DAAM2: variants seen among roughly 807,000 people sequenced by gnomAD.
DAAM2 encodes dishevelled associated activator of morphogenesis 2, also known as disheveled-associated activator of morphogenesis 2.
Under a neutral mutation model 120.7 loss-of-function variants are expected in DAAM2, and 39 were observed. The observed-to-expected ratio is 0.32, with a 90% CI of 0.25 to 0.42. The LOEUF (loss-of-function observed/expected upper bound fraction) is 0.42, where lower values mean the gene tolerates loss of function less well. Ranked by LOEUF, DAAM2 falls within the 10% of genes least tolerant of loss-of-function variation. DAAM2 has a pLI of 1.00. For missense variants in DAAM2, 1,283 were observed against 1,401.7 expected, an observed-to-expected ratio of 0.92 and a Z score of 1.35; for synonymous variants, 488 against 524.9, an observed-to-expected ratio of 0.93 and a Z score of 0.96.
At position 39,856,337 on chromosome 6, in the gene DAAM2, G is replaced by A; in HGVS notation, c.35G>A (p.Gly12Asp). ...CGCAAGAGGAGCCACCATGGCCTGGGCTTCCTGTGCTGCTTCGGGGGCAGT... is the reference window on the plus strand; with the variant it reads ...CGCAAGAGGAGCCACCATGGCCTGGACTTCCTGTGCTGCTTCGGGGGCAGT... ...APRKRSHHGL[G>D]FLCCFGGSDI... is the part of the protein sequence containing the mutation. Residue 12 changes from glycine (G) to aspartate (D), a missense_variant, in exon 2 of 25, where the codon GGC (glycine) becomes GAC (aspartate). Gly to Asp is a moderately conservative substitution (Grantham distance 94). Around this residue, in one of 3 missense-constraint regions of DAAM2, gnomAD observed 197 missense variants for 189.3 expected, o/e 1.04. Transcript: ENST00000274867. 1 of 1,550,826 alleles carries A rather than the reference G, an allele frequency of 6.4e-7. No individual in the cohort carries two copies. Among genetic ancestry groups the A allele is most frequent in the Non-Finnish European group, 8.7e-7 (1 of 1,148,534 alleles).
At chr6:39,865,504 G>T (rs1398457514) in intron 5 of DAAM2, among the ~76,000 whole-genome samples, 2 of 152,164 alleles carry the variant, frequency 1.3e-5, no homozygotes, top group African/African-American at 4.8e-5. Flanking sequence ...GGGCGGTGTG[G>T]TGTCTCTGGA....
chr6:39,884,300 G>A (rs1765271813), intron 15 of DAAM2: 1 of 487,662 alleles, frequency 2.1e-6, no homozygotes, highest in Non-Finnish European at 3.7e-6. Context: ...TGAAGTAGAG[G>A]TGCACAGACC....
Position 39,856,320 on chromosome 6 carries a change from G to T in DAAM2, c.18G>T (p.Arg6Ser). 1 of 1,542,420 alleles carries T rather than the reference G, an allele frequency of 6.5e-7. No homozygotes were observed. The highest frequency in any genetic ancestry group is 8.7e-7 in the Non-Finnish European group (1 of 1,144,638). The change falls in exon 2 of 25, where the codon AGG becomes AGT. Residue 6 changes from arginine to serine, a missense_variant. Physicochemically the swap from Arg to Ser is moderately radical, Grantham distance 110. This residue lies in a region of DAAM2 where 197 missense variants were observed against 189.3 expected (regional missense o/e 1.04). Transcript: ENST00000274867. MAPRK[R>S]SHHGLGFLCC... ...CAGTGACCATGGCCCCCCGCAAGAG[G>T]AGCCACCATGGCCTGGGCTTCCTGT...
intron 19 of DAAM2, among the ~76,000 whole-genome samples, chr6:39,892,804 A>G (rs546216565): frequency 2.6e-5 from 4 of 152,256 alleles, no homozygotes; most frequent in African/African-American, 9.6e-5. Context: ...GGGATAGTCT[A>G]TGGATAGGGT....
At chr6:39,845,020 A>C (rs964808909) in intron 1 of DAAM2, among the ~76,000 whole-genome samples, 9 of 145,896 alleles carry the variant, frequency 6.2e-5, no homozygotes, top group African/African-American at 1.8e-4. Flanking sequence ...ACACCCCCCC[A>C]CACATATACA....
rs3008815 is a variant in DAAM2 at position 39,896,954 on chromosome 6, C to G, written c.2484C>G (p.Ile828Met). 2 of 1,611,168 alleles carry G rather than the reference C, an allele frequency of 1.2e-6. No homozygotes were observed. The highest frequency in any genetic ancestry group is 8.5e-7 in the Non-Finnish European group (1 of 1,178,692). ...YGFRVASLNK[I>M]ADTKSSIDRN... ...TCCGGGTGGCCAGCCTCAACAAGAT[C>G]GCTGACACCAAGTCCAGCATCGACA... Residue 828 changes from isoleucine to methionine, a missense_variant, in exon 20 of 25, where the codon ATC (isoleucine) becomes ATG (methionine). Ile to Met is a conservative substitution (Grantham distance 10). Transcript: ENST00000274867.
chr6:39,807,425 G>GA (rs1172153314), intron 1 of DAAM2, among the ~76,000 whole-genome samples: 3 of 152,202 alleles, frequency 2.0e-5, no homozygotes, highest in Admixed American at 1.3e-4. Flanking sequence ...CTCCTTCTAG[G>GA]AAAGGCAGTA....
Position 39,873,153 on chromosome 6 carries a change from A to G in DAAM2, c.1045-85A>G, listed in dbSNP as rs1400289668. ...GAAAACCTTTCCTATGAGACAGGGC[A>G]TAGTGGATGGAAGCAGGGTCTTCTC... On this transcript the variant is annotated intron_variant, in intron 9 of 24. Coordinates refer to ENST00000274867, the MANE Select transcript of DAAM2 (RefSeq NM_001201427.2). 6 of 843,788 alleles carry G rather than the reference A, an allele frequency of 7.1e-6. No individual in the cohort carries two copies. In the East Asian group the frequency reaches 1.3e-4, roughly 19 times the overall value. The allele number at this position is 843,788 out of a possible 1,614,324, so 52.3% of individuals were successfully genotyped here.
At chr6:39,884,158 T>C (rs1765266002) in intron 15 of DAAM2, 89 bp downstream of exon 15, 6 of 691,488 alleles carry the variant, frequency 8.7e-6, no homozygotes, top group Non-Finnish European at 1.5e-5. Context: ...CTGCCTTCCT[T>C]TCCTTTCCTT....
At chr6:39,805,085 A>C (rs1223102717) in intron 1 of DAAM2, among the ~76,000 whole-genome samples, 3 of 152,214 alleles carry the variant, frequency 2.0e-5, no homozygotes, top group Non-Finnish European at 2.9e-5. Context: ...TTTCCAAGAT[A>C]AGGATGCAAA....
chr6:39,891,876 A>C (rs896236176), intron 19 of DAAM2, 154 bp downstream of exon 19: 7 of 640,666 alleles, frequency 1.1e-5, no homozygotes, highest in Admixed American at 3.0e-5. Flanking sequence ...TAAAATGATG[A>C]TTATTATAAA....
At position 39,869,074 on chromosome 6, in the gene DAAM2, T is replaced by A. The variant is rs1764546277; in HGVS notation, c.873+141T>A. 4.5e-6 allele frequency: 3 copies of A among 665,184 alleles called. No homozygotes were observed. In the South Asian group the frequency reaches 5.4e-5, roughly 12 times the overall value. 41.2% of individuals were successfully genotyped at this position (665,184 alleles called of 1,614,324 possible). A position where few individuals can be genotyped will look rare whatever the true frequency, so the allele number is the denominator to read the frequency against. ...TGGGGAGTTGCCTACATAGGTAGCATCATGCACGGTGGACAGACCCAGAGC... is the reference window on the plus strand; with the variant it reads ...TGGGGAGTTGCCTACATAGGTAGCAACATGCACGGTGGACAGACCCAGAGC... On this transcript the variant is annotated intron_variant, in intron 7 of 24. Transcript: ENST00000274867.
In DAAM2 at chr6:39,871,514, A is replaced by T; in HGVS notation, c.986A>T (p.Asp329Val). Residue 329 changes from aspartate to valine, a missense_variant, in exon 9 of 25, where the codon GAC becomes GTC. Asp to Val is a radical substitution (Grantham distance 152). This residue lies in a region of DAAM2 where 338 missense variants were observed against 443.9 expected (regional missense o/e 0.76). Transcript: ENST00000274867. ...CTCCCCATTCTGTCTAGACATTTAG[A>T]CTTCTTCGAGATGGTGCGGAATGAG... ...HENAILDKHL[D>V]FFEMVRNEDD... 6.4e-7 allele frequency: 1 copy of T among 1,551,488 alleles called. No homozygotes were observed. Among genetic ancestry groups the T allele is most frequent in the East Asian group, 2.4e-5 (1 of 40,920 alleles).
intron 8 of DAAM2, among the ~76,000 whole-genome samples, 159 bp downstream of exon 8, chr6:39,870,602 G>T (rs1446517912): frequency 1.3e-5 from 2 of 152,196 alleles, no homozygotes; most frequent in Non-Finnish European, 2.9e-5. Context: ...GGGTGCCCTT[G>T]CCTGTCCTCT....
At chr6:39,804,563 T>C (rs1390350791) in intron 1 of DAAM2, among the ~76,000 whole-genome samples, 2 of 149,236 alleles carry the variant, frequency 1.3e-5, no homozygotes, top group Non-Finnish European at 3.0e-5. Flanking sequence ...TATGCATGCA[T>C]GCGCACATAC....
chr6:39,830,505 G>A (rs531644638), intron 1 of DAAM2, among the ~76,000 whole-genome samples: 3 of 152,122 alleles, frequency 2.0e-5, no homozygotes, highest in Non-Finnish European at 4.4e-5. Context: ...TCGTGAGTGG[G>A]GACAAGTGAT....
chr6:39,891,455 C>T lies in DAAM2; in HGVS notation c.2252+8C>T, dbSNP rs1463188358. ...CCTCTATGAAATGAGCAGGTTGGGCCATGGGCATGGTGGGGATTCAAGCAG... is the reference window on the plus strand; with the variant it reads ...CCTCTATGAAATGAGCAGGTTGGGCTATGGGCATGGTGGGGATTCAAGCAG... On this transcript the variant is annotated splice_region_variant and intron_variant, in intron 18 of 24. Transcript: ENST00000274867. The T allele has an allele frequency of 6.3e-7, 1 of 1,598,460 alleles. No homozygotes were observed.
At chr6:39,815,216 C>T (rs1762272997) in intron 1 of DAAM2, among the ~76,000 whole-genome samples, 1 of 152,190 alleles carries the variant, frequency 6.6e-6, no homozygotes, top group Non-Finnish European at 1.5e-5. Context: ...TCTGGAGATT[C>T]CAAAATAAGT....
intron 1 of DAAM2, chr6:39,821,392 CT>C: frequency 6.6e-6 from 1 of 152,432 alleles, no homozygotes; most frequent in East Asian, 1.9e-4. Context: ...CAGCACCCAG[CT>C]CTGGGACATC....
Sources: allele counts gnomAD v4.1 joint callset (sites outside exome capture counted in the v4.1 genomes callset), GRCh38; gene constraint gnomAD v4.1.1; regional missense constraint gnomAD v4.1.1; transcripts MANE v1.5; gene names NCBI Gene and HGNC (gene_info 2026-07-23, HGNC 2026-07-21).